Variants in TAF2 observed in about 807,000 individuals in gnomAD.
TAF2 encodes the protein TATA-box binding protein associated factor 2, also known as transcription initiation factor TFIID subunit 2.
Under a neutral mutation model 138.5 loss-of-function variants are expected in TAF2, and 61 were observed. The observed-to-expected ratio is 0.44, with a 90% CI of 0.36 to 0.54. The LOEUF (loss-of-function observed/expected upper bound fraction) is 0.54, where lower values mean the gene tolerates loss of function less well. Among genes scored for constraint, TAF2 ranks in the 20% least tolerant of loss-of-function variants. The pLI, the probability that TAF2 is intolerant of heterozygous loss-of-function variation, is 0.00. For synonymous variants in TAF2, 475 were observed against 469.9 expected (o/e 1.01, Z -0.14); for missense variants, 1,090 against 1,427.9 (o/e 0.76, Z 3.81).
chr8:119,735,941 A>AT (rs1275910124), intron 25 of TAF2, among the ~76,000 whole-genome samples: 2 of 152,322 alleles, frequency 1.3e-5, no homozygotes, highest in African/African-American at 4.8e-5. Flanking sequence ...TAATCATTCT[A>AT]TATCAACAGA....
chr8:119,772,873 G>T (rs1295568005), intron 18 of TAF2, among the ~76,000 whole-genome samples: 1 of 151,274 alleles, frequency 6.6e-6, no homozygotes, highest in African/African-American at 2.4e-5. Context: ...GGAGGTGGAG[G>T]TTGCAGTGAG....
chr8:119,747,164 C>A (rs1820035553), intron 22 of TAF2, among the ~76,000 whole-genome samples: 1 of 152,156 alleles, frequency 6.6e-6, no homozygotes, highest in Non-Finnish European at 1.5e-5. Flanking sequence ...AATTATCCCA[C>A]ATTCATTCAT....
chr8:119,820,033 G>A (rs1298760607), intron 2 of TAF2, among the ~76,000 whole-genome samples: 1 of 152,196 alleles, frequency 6.6e-6, no homozygotes, highest in Admixed American at 6.6e-5. Flanking sequence ...ATATCCAGGA[G>A]CAGCAAATAC....
At chr8:119,809,820 A>G (rs1824912801) in intron 3 of TAF2, among the ~76,000 whole-genome samples, 1 of 152,164 alleles carries the variant, frequency 6.6e-6, no homozygotes, top group Admixed American at 6.5e-5. Context: ...AACAATTACA[A>G]TTGTAATATC....
In TAF2 at chr8:119,801,777, G is replaced by C; in HGVS notation, c.792+17C>G. The C allele has an allele frequency of 6.2e-7, 1 of 1,603,102 alleles. No individual in the cohort carries two copies. The highest frequency in any genetic ancestry group is 8.5e-7 in the Non-Finnish European group (1 of 1,170,068). On this transcript the variant is annotated intron_variant, in intron 6 of 25. Coordinates refer to ENST00000378164, the MANE Select transcript of TAF2 (RefSeq NM_003184.4). ...AAAGGGCCAGGAGGAGAGTAAGAGA[G>C]GAAAGCTCTGACTTACCTCATGCAT...
intron 22 of TAF2, among the ~76,000 whole-genome samples, chr8:119,748,901 T>C (rs910137591): frequency 6.8e-6 from 1 of 147,418 alleles, no homozygotes; most frequent in Admixed American, 7.2e-5. Context: ...GAGTGAATCT[T>C]AGGCATTTTA....
At chr8:119,823,416 C>T (rs1285903206) in intron 2 of TAF2, among the ~76,000 whole-genome samples, 1 of 152,122 alleles carries the variant, frequency 6.6e-6, no homozygotes, top group Non-Finnish European at 1.5e-5. Context: ...CCATGCTATT[C>T]TCATAAAGCG....
chr8:119,764,616 T>G (rs1161090021), intron 18 of TAF2, among the ~76,000 whole-genome samples: 1 of 152,224 alleles, frequency 6.6e-6, no homozygotes, highest in Non-Finnish European at 1.5e-5. Context: ...TCTCAATTTC[T>G]GTGTCTTACT....
At chr8:119,802,419 T>A (rs1238748020) in intron 5 of TAF2, among the ~76,000 whole-genome samples, 1 of 152,244 alleles carries the variant, frequency 6.6e-6, no homozygotes, top group East Asian at 1.9e-4. Flanking sequence ...TCAGAATTTA[T>A]TCCATTAAAT....
In TAF2 at chr8:119,732,826, G is replaced by A. The variant is rs527409439; in HGVS notation, c.3338-640C>T. Among the ~76,000 whole-genome samples, 22 of 152,042 alleles carry A rather than the reference G, an allele frequency of 1.4e-4. No individual in the cohort carries two copies. In the South Asian group the frequency reaches 1.5e-3, roughly 10 times the overall value. On this transcript the variant is annotated intron_variant, in intron 25 of 25. Coordinates refer to ENST00000378164, the MANE Select transcript of TAF2 (RefSeq NM_003184.4). ...CTTAATAAACAAACAAACAAAAAAC[G>A]ACCAACATTGGTCAATGAAAACATA...
At chr8:119,732,658 G>C (rs375656662) in intron 25 of TAF2, among the ~76,000 whole-genome samples, 11 of 151,930 alleles carry the variant, frequency 7.2e-5, no homozygotes, top group African/African-American at 2.4e-4. Flanking sequence ...ACAAAAATTA[G>C]CCGGGCATGG....
intron 22 of TAF2, among the ~76,000 whole-genome samples, chr8:119,754,610 G>A (rs1820574071): frequency 6.6e-6 from 1 of 152,004 alleles, no homozygotes; most frequent in African/African-American, 2.4e-5. Context: ...CTGAACTTGG[G>A]AGGCGGAGGT....
chr8:119,776,347 C>CT (rs35600902), intron 18 of TAF2, among the ~76,000 whole-genome samples: 36,630 of 134,390 alleles, frequency 0.27, 5,956 homozygotes, highest in Admixed American at 0.45. Flanking sequence ...CATGCCTGTG[C>CT]TTTTTTTTTT....
At chr8:119,738,110 AGTAT>A (rs1819353072) in intron 25 of TAF2, among the ~76,000 whole-genome samples, 1 of 151,690 alleles carries the variant, frequency 6.6e-6, no homozygotes, top group Non-Finnish European at 1.5e-5. Flanking sequence ...GTATATATAT[AGTAT>A]GTTTTATTTA....
chr8:119,731,935 G>A lies in TAF2; in HGVS notation c.3589C>T (p.Leu1197Phe), dbSNP rs750133454. Residue 1197 changes from leucine to phenylalanine, a missense_variant, in exon 26 of 26, where the codon CTT (leucine) becomes TTT (phenylalanine). Physicochemically the swap from Leu to Phe is conservative, Grantham distance 22. Coordinates refer to ENST00000378164, the MANE Select transcript of TAF2 (RefSeq NM_003184.4). ...TTTTTGTCCCCTTCTCAGTCTGAAA[G>A]GGAAGGAGAACGAATAGACCTGCCA... is the stretch of plus-strand genomic sequence containing the variant. ...ASGRSIRSPS[L>F]SD The A allele has an allele frequency of 1.3e-5, 21 of 1,614,066 alleles. No homozygotes were observed. The highest frequency in any genetic ancestry group is 2.7e-5 in the African/African-American group (2 of 74,926).
chr8:119,810,146 CA>C lies in TAF2; in HGVS notation c.300-3746del, dbSNP rs371819393. Reference sequence around the variant, plus strand: ...GGGTGTACAGTTGTACAAATTTTAACATATGTACAGATTCAGTTAACCACCA... The same window carrying C: ...GGGTGTACAGTTGTACAAATTTTAACTATGTACAGATTCAGTTAACCACCA... On this transcript the variant is annotated intron_variant, in intron 3 of 25. Coordinates refer to ENST00000378164, the MANE Select transcript of TAF2 (RefSeq NM_003184.4). Among the ~76,000 whole-genome samples, 248 of 151,928 alleles carry C rather than the reference CA, an allele frequency of 1.6e-3. 1 individual carries two copies. Among genetic ancestry groups the C allele is most frequent in the African/African-American group, 5.6e-3 (234 of 41,446 alleles).
At chr8:119,793,089 A>C (rs1823553017) in intron 10 of TAF2, among the ~76,000 whole-genome samples, 1 of 152,020 alleles carries the variant, frequency 6.6e-6, no homozygotes, top group Non-Finnish European at 1.5e-5. Flanking sequence ...ACAATGTGAG[A>C]CCCCATTTAA....
intron 5 of TAF2, among the ~76,000 whole-genome samples, chr8:119,802,477 CTGAG>C (rs754609977): frequency 2.0e-5 from 3 of 152,150 alleles, no homozygotes; most frequent in Non-Finnish European, 4.4e-5. Context: ...TAAATTCAAA[CTGAG>C]TGCTGGTTAA....
chr8:119,802,932 C>T (rs1254498709), intron 5 of TAF2, among the ~76,000 whole-genome samples: 5 of 151,818 alleles, frequency 3.3e-5, no homozygotes, highest in Non-Finnish European at 4.4e-5. Flanking sequence ...AAAGATATGA[C>T]GAAACCTGAT....
Sources: gnomAD v4.1 joint callset for allele counts (sites outside exome capture counted in the v4.1 genomes callset) on GRCh38, gnomAD v4.1.1 for gene constraint, MANE v1.5 for transcripts, NCBI Gene and HGNC (gene_info 2026-07-23, HGNC 2026-07-21) for gene names.